ATRNL1: variants seen among roughly 807,000 people sequenced by gnomAD.
ATRNL1 encodes attractin-like protein 1.
ATRNL1 carries 95 observed loss-of-function variants against 182.7 expected under a neutral mutation model. The ratio of observed to expected loss-of-function variants is 0.52; its 90% CI spans 0.44 to 0.62. The LOEUF (loss-of-function observed/expected upper bound fraction) is 0.62. Among genes scored for constraint, ATRNL1 ranks in the 20% least tolerant of loss-of-function variants. The probability of loss-of-function intolerance (pLI) is 0.00; values close to 1 mark genes in which losing one functional copy is unlikely to be tolerated. For synonymous variants in ATRNL1, 576 were observed against 568.3 expected (o/e 1.01, Z -0.19); for missense variants, 1,471 against 1,679.5 (o/e 0.88, Z 2.17).
intron 5 of ATRNL1, among the ~76,000 whole-genome samples, chr10:115,159,514 A>C (rs1327931045): frequency 6.6e-6 from 1 of 151,500 alleles, no homozygotes; most frequent in East Asian, 1.9e-4. Flanking sequence ...GTTGTCCTTA[A>C]TAATGCTAAA....
intron 26 of ATRNL1, among the ~76,000 whole-genome samples, chr10:115,693,330 A>C (rs891792741): frequency 1.3e-5 from 2 of 152,138 alleles, no homozygotes; most frequent in Non-Finnish European, 2.9e-5. Flanking sequence ...GTGCATCACT[A>C]TTTCATGTAC....
intron 26 of ATRNL1, among the ~76,000 whole-genome samples, chr10:115,563,482 G>C (rs546900364): frequency 6.6e-6 from 1 of 152,064 alleles, no homozygotes; most frequent in Non-Finnish European, 1.5e-5. Context: ...CTGTTAACAG[G>C]CATTTATATA....
intron 28 of ATRNL1, among the ~76,000 whole-genome samples, chr10:115,897,040 T>A (rs1343383806): frequency 6.6e-6 from 1 of 152,168 alleles, no homozygotes; most frequent in Non-Finnish European, 1.5e-5. Context: ...AGAATAAGTA[T>A]CCCTAACATA....
chr10:115,260,522 G>C (rs1332308792), intron 10 of ATRNL1, among the ~76,000 whole-genome samples: 1 of 152,080 alleles, frequency 6.6e-6, no homozygotes, highest in Non-Finnish European at 1.5e-5. Context: ...GACTCTGGTG[G>C]TGCCTCACTC....
intron 5 of ATRNL1, among the ~76,000 whole-genome samples, chr10:115,143,424 T>A (rs939436165): frequency 2.0e-5 from 3 of 151,528 alleles, no homozygotes; most frequent in Middle Eastern, 3.4e-3. Context: ...TTTTTTTTTT[T>A]ATAGTGTGTA....
At chr10:115,270,715 A>G (rs1233740634) in intron 13 of ATRNL1, among the ~76,000 whole-genome samples, 2 of 151,924 alleles carry the variant, frequency 1.3e-5, no homozygotes, top group Non-Finnish European at 2.9e-5. Flanking sequence ...GATGACGCCC[A>G]CCATAGGGAG....
chr10:115,127,428 G>A (rs1460065680), intron 3 of ATRNL1, among the ~76,000 whole-genome samples, 165 bp from the exon 4 acceptor site: 2 of 152,130 alleles, frequency 1.3e-5, no homozygotes, highest in African/African-American at 4.8e-5. Context: ...AACTAATTTA[G>A]TGAGAAATGG....
At chr10:115,726,291 G>A (rs11197422) in intron 26 of ATRNL1, among the ~76,000 whole-genome samples, 55,818 of 151,982 alleles carry the variant, frequency 0.37, 11,010 homozygotes, top group Admixed American at 0.53. Context: ...TGTGAATAAT[G>A]AAGCCATTCA....
At chr10:115,224,007 C>T (rs938289665) in intron 9 of ATRNL1, among the ~76,000 whole-genome samples, 2 of 145,924 alleles carry the variant, frequency 1.4e-5, no homozygotes, top group Non-Finnish European at 3.0e-5. Flanking sequence ...ACAATCTCAG[C>T]TCACTGCAAC....
intron 8 of ATRNL1, among the ~76,000 whole-genome samples, chr10:115,185,742 A>G (rs1421790719): frequency 6.6e-6 from 1 of 152,030 alleles, no homozygotes; most frequent in Non-Finnish European, 1.5e-5. Flanking sequence ...TCCCCTACAG[A>G]TTGCTGATAA....
intron 26 of ATRNL1, among the ~76,000 whole-genome samples, chr10:115,677,521 C>G (rs1288018300): frequency 2.6e-5 from 4 of 151,990 alleles, no homozygotes; most frequent in African/African-American, 9.7e-5. Flanking sequence ...CCATGCTAGT[C>G]TCATGATAGT....
intron 20 of ATRNL1, among the ~76,000 whole-genome samples, chr10:115,414,400 C>T (rs1845289837): frequency 6.6e-6 from 1 of 151,380 alleles, no homozygotes; most frequent in African/African-American, 2.4e-5. Flanking sequence ...TCCTATTTCC[C>T]TCCTTTTTTA....
At chr10:115,248,805 A>G (rs1372020780) in intron 10 of ATRNL1, among the ~76,000 whole-genome samples, 1 of 152,150 alleles carries the variant, frequency 6.6e-6, no homozygotes, top group East Asian at 1.9e-4. Context: ...CCATCATTTC[A>G]GGGGCAGGTG....
intron 26 of ATRNL1, among the ~76,000 whole-genome samples, chr10:115,589,878 C>G (rs1855800107): frequency 6.6e-6 from 1 of 152,164 alleles, no homozygotes; most frequent in South Asian, 2.1e-4. Flanking sequence ...CCAGTTTTGT[C>G]AGACAGTTCC....
chr10:115,755,101 C>T (rs1421620140), intron 27 of ATRNL1, among the ~76,000 whole-genome samples: 1 of 152,154 alleles, frequency 6.6e-6, no homozygotes, highest in African/African-American at 2.4e-5. Flanking sequence ...AATATACAAT[C>T]ATGTTATCTG....
At chr10:115,470,233 T>G (rs1848241413) in intron 24 of ATRNL1, among the ~76,000 whole-genome samples, 1 of 144,810 alleles carries the variant, frequency 6.9e-6, no homozygotes, top group Middle Eastern at 4.5e-3. Flanking sequence ...GAAAAAATTT[T>G]TCTTCTTATT....
intron 27 of ATRNL1, among the ~76,000 whole-genome samples, chr10:115,735,765 G>A (rs73377579): frequency 0.029 from 4,482 of 152,136 alleles, 241 homozygotes; most frequent in African/African-American, 0.1. Context: ...GAGATAATTC[G>A]CATCTTGTTC....
At chr10:115,754,788 T>C (rs1342040194) in intron 27 of ATRNL1, among the ~76,000 whole-genome samples, 3 of 152,214 alleles carry the variant, frequency 2.0e-5, no homozygotes, top group Non-Finnish European at 4.4e-5. Context: ...ATATTGATTC[T>C]TCCTATCCAT....
chr10:115,441,121 C>T (rs1423753810), intron 21 of ATRNL1, among the ~76,000 whole-genome samples: 1 of 151,834 alleles, frequency 6.6e-6, no homozygotes, highest in East Asian at 1.9e-4. Context: ...TTGTTTTGCT[C>T]TAAATTTTAT....
Sources: gnomAD v4.1 joint callset for allele counts (sites outside exome capture counted in the v4.1 genomes callset) on GRCh38, gnomAD v4.1.1 for gene constraint, MANE v1.5 for transcripts, NCBI Gene and HGNC (gene_info 2026-07-23, HGNC 2026-07-21) for gene names.